MYO3B: variants seen among roughly 807,000 people sequenced by gnomAD.
MYO3B encodes the protein myosin IIIB.
Under a neutral mutation model 174.6 loss-of-function variants are expected in MYO3B, and 156 were observed. The ratio of observed to expected loss-of-function variants is 0.89; its 90% CI spans 0.78 to 1.02. The LOEUF is 1.02. Ranked by LOEUF, MYO3B falls within the 50% of genes least tolerant of loss-of-function variation. The pLI is 0.00. For missense variants in MYO3B, 1,632 were observed against 1,639.4 expected, an observed-to-expected ratio of 1.00 and a Z score of 0.08; for synonymous variants, 563 against 569.1, an observed-to-expected ratio of 0.99 and a Z score of 0.15.
intron 16 of MYO3B, among the ~76,000 whole-genome samples, chr2:170,394,644 T>C (rs1478096844): frequency 6.6e-6 from 1 of 152,212 alleles, no homozygotes; most frequent in Non-Finnish European, 1.5e-5. Context: ...TATGTGTGTA[T>C]ATTTTCACCA....
At chr2:170,254,629 G>A (rs1050889398) in intron 7 of MYO3B, among the ~76,000 whole-genome samples, 5 of 152,194 alleles carry the variant, frequency 3.3e-5, no homozygotes, top group African/African-American at 1.2e-4. Flanking sequence ...AGAGGACAAA[G>A]CCACAGGCCT....
chr2:170,284,148 G>A (rs1574714664), intron 7 of MYO3B, among the ~76,000 whole-genome samples: 2 of 152,260 alleles, frequency 1.3e-5, no homozygotes, highest in African/African-American at 2.4e-5. Flanking sequence ...AAAGCTGGGG[G>A]GAAGAAACTG....
At chr2:170,410,847 G>GT (rs1411150721) in intron 22 of MYO3B, among the ~76,000 whole-genome samples, 2 of 151,636 alleles carry the variant, frequency 1.3e-5, no homozygotes, top group African/African-American at 4.9e-5. Flanking sequence ...GTAATGTTGG[G>GT]TTTTTTTCTC....
At chr2:170,531,241 A>G (rs1300861754) in intron 30 of MYO3B, among the ~76,000 whole-genome samples, 8 of 152,178 alleles carry the variant, frequency 5.3e-5, no homozygotes, top group Non-Finnish European at 1.2e-4. Flanking sequence ...TAAAAATGCA[A>G]AAAGTTCAGA....
chr2:170,261,907 ATGTGTGTATATATATG>A (rs2093348528), intron 7 of MYO3B, among the ~76,000 whole-genome samples: 2 of 152,184 alleles, frequency 1.3e-5, no homozygotes, highest in African/African-American at 2.4e-5. Context: ...GAAGATATGT[ATGTGTGTATATATATG>A]TGTGTGTATA....
intron 12 of MYO3B, chr2:170,385,775 A>T (rs2094369680): frequency 6.5e-6 from 1 of 153,678 alleles, no homozygotes; most frequent in African/African-American, 2.4e-5. Flanking sequence ...GCACTTTCAC[A>T]TATTGGTATA....
chr2:170,216,001 T>G (rs1574594373), intron 5 of MYO3B, among the ~76,000 whole-genome samples: 1 of 152,192 alleles, frequency 6.6e-6, no homozygotes, highest in South Asian at 2.1e-4. Flanking sequence ...TGTCTAGAAA[T>G]TAAAACCAGA....
chr2:170,463,158 T>C (rs1684411930), intron 23 of MYO3B, among the ~76,000 whole-genome samples: 1 of 152,254 alleles, frequency 6.6e-6, no homozygotes. Context: ...CATGGTATTT[T>C]ATAGAGTGAG....
In MYO3B at chr2:170,558,550, A is replaced by G. The variant is rs374137366; in HGVS notation, c.3733+14562A>G. On this transcript the variant is annotated intron_variant, in intron 32 of 34. Transcript: ENST00000408978. The stretch of plus-strand genomic sequence containing the variant: ...TTGCACAGCTGGAACCACATAGCAT[A>G]TATTCTTTGACTTCTAGCTTTTTCT... Among the ~76,000 whole-genome samples the G allele has an allele frequency of 3.7e-4, 56 of 152,258 alleles. 1 individual carries two copies. The South Asian group carries it at 0.011, about 30-fold the overall frequency.
At position 170,217,246 on chromosome 2, in the gene MYO3B, GAA is replaced by G. The variant is rs1027098563; in HGVS notation, c.527-69_527-68del. 4 of 1,368,638 alleles carry G rather than the reference GAA, an allele frequency of 2.9e-6. No homozygotes were observed. The African/African-American group carries it at 5.7e-5, about 20-fold the overall frequency. 84.8% of individuals were successfully genotyped at this position (1,368,638 alleles called of 1,614,324 possible). A position where few individuals can be genotyped will look rare whatever the true frequency, so the allele number is the denominator to read the frequency against. Reference sequence around the variant, plus strand: ...CTAAAGTACTTATTTGGCCTTTGTGGAAAAAGTCTGCCGATTGCTGGTCTAGC... The same window carrying G: ...CTAAAGTACTTATTTGGCCTTTGTGGAAAGTCTGCCGATTGCTGGTCTAGC... On this transcript the variant is annotated intron_variant, in intron 5 of 34. Transcript: ENST00000408978.
intron 8 of MYO3B, among the ~76,000 whole-genome samples, chr2:170,366,691 T>C (rs1041921281): frequency 1.8e-4 from 27 of 152,210 alleles, no homozygotes; most frequent in African/African-American, 6.5e-4. Flanking sequence ...TAGTTTCTTC[T>C]TTGTCTAATT....
chr2:170,379,573 C>T (rs2094320973), intron 9 of MYO3B, among the ~76,000 whole-genome samples: 1 of 152,162 alleles, frequency 6.6e-6, no homozygotes, highest in Non-Finnish European at 1.5e-5. Context: ...AAATATGTAT[C>T]CTCCTGCTGT....
At chr2:170,482,537 C>A (rs776581942) in intron 25 of MYO3B, among the ~76,000 whole-genome samples, 2 of 152,222 alleles carry the variant, frequency 1.3e-5, no homozygotes, top group Non-Finnish European at 2.9e-5. Context: ...GAGGCCTCCC[C>A]AGCCATGTGG....
intron 16 of MYO3B, among the ~76,000 whole-genome samples, chr2:170,394,258 C>A (rs1372486438): frequency 1.3e-5 from 2 of 152,078 alleles, no homozygotes; most frequent in Admixed American, 6.6e-5. Context: ...GGTCTGATTG[C>A]AAAAATTCAA....
intron 32 of MYO3B, among the ~76,000 whole-genome samples, chr2:170,642,404 T>C (rs1035484778): frequency 6.6e-6 from 1 of 152,186 alleles, no homozygotes; most frequent in Non-Finnish European, 1.5e-5. Context: ...TTGAAGAAGA[T>C]TGTTCATGAC....
At chr2:170,178,565 C>T (rs2092361032) in intron 1 of MYO3B, among the ~76,000 whole-genome samples, 1 of 151,964 alleles carries the variant, frequency 6.6e-6, no homozygotes, top group African/African-American at 2.4e-5. Flanking sequence ...CACACACACA[C>T]ACACACACAC....
At chr2:170,626,301 T>G (rs2105356811) in intron 32 of MYO3B, among the ~76,000 whole-genome samples, 1 of 152,320 alleles carries the variant, frequency 6.6e-6, no homozygotes, top group Admixed American at 6.5e-5. Flanking sequence ...CCCTTTACGA[T>G]TATGTAATGG....
Position 170,601,598 on chromosome 2 carries a change from G to T in MYO3B, c.3734-50030G>T, listed in dbSNP as rs1287106602. The T allele has an allele frequency of 3.5e-6, 4 of 1,157,842 alleles. No individual in the cohort carries two copies. The East Asian group carries it at 9.4e-5, about 27-fold the overall frequency. The allele number at this position is 1,157,842 out of a possible 1,614,324, so 71.7% of individuals were successfully genotyped here. A position where few individuals can be genotyped will look rare whatever the true frequency, so the allele number is the denominator to read the frequency against. On this transcript the variant is annotated intron_variant, in intron 32 of 34. Transcript: ENST00000408978. The stretch of plus-strand genomic sequence containing the variant: ...CTTTATAGACAAGGAAAAAAACTAG[G>T]CTAGAACCAACTTATTCATCATCAT...
rs1010330971 is a variant in MYO3B, at chr2:170,485,493, C to G, written c.3015-13099C>G. On this transcript the variant is annotated intron_variant, in intron 25 of 34. Coordinates refer to ENST00000408978, the MANE Select transcript of MYO3B (RefSeq NM_138995.5). ...TTTGGACTTTAGCTTGTGAACCACA[C>G]TTTTTATACCATTTGCCAACTGCTT... Among the ~76,000 whole-genome samples, 5 of 152,028 alleles carry G rather than the reference C, an allele frequency of 3.3e-5. No individual in the cohort carries two copies. In the East Asian group the frequency reaches 9.7e-4, roughly 29 times the overall value.
Sources: allele counts gnomAD v4.1 joint callset (sites outside exome capture counted in the v4.1 genomes callset), GRCh38; gene constraint gnomAD v4.1.1; transcripts MANE v1.5; gene names NCBI Gene and HGNC (gene_info 2026-07-23, HGNC 2026-07-21).